TUBB3: variants seen among roughly 807,000 people sequenced by gnomAD.
TUBB3 encodes tubulin beta 3 class III, also known as tubulin beta-3 chain.
TUBB3 carries 17 observed loss-of-function variants against 37.8 expected under a neutral mutation model. The observed-to-expected ratio is 0.45, with a 90% CI of 0.31 to 0.67. The LOEUF (loss-of-function observed/expected upper bound fraction) is 0.67, where lower values mean the gene tolerates loss of function less well. TUBB3 is among the 30% of genes least tolerant of loss of function. The probability of loss-of-function intolerance (pLI) is 0.07; values close to 1 mark genes in which losing one functional copy is unlikely to be tolerated. For missense variants in TUBB3, 262 were observed against 657.9 expected (o/e 0.40, Z 6.58); for synonymous variants, 332 against 278.9 (o/e 1.19, Z -1.90).
At position 89,927,733 on chromosome 16, in the gene TUBB3, G is replaced by A. The variant is rs535025926; in HGVS notation, c.57+4275G>A. 3.3e-5 allele frequency among the ~76,000 whole-genome samples: 5 copies of A among 152,364 alleles called. No individual in the cohort carries two copies. The South Asian group carries it at 1.0e-3, about 32-fold the overall frequency. On this transcript the variant is annotated intron_variant, in intron 1 of 3. Transcript: ENST00000315491. The stretch of plus-strand genomic sequence containing the variant: ...ATTCACACGTTCATCTCACAGATGA[G>A]AAAACAGGTCCTGCGAGGCACGCGC...
intron 3 of TUBB3, chr16:89,933,786 A>G (rs1194639382): frequency 1.4e-6 from 1 of 703,728 alleles, no homozygotes; most frequent in Non-Finnish European, 2.6e-6. Flanking sequence ...CATGCATTTC[A>G]AGTGGAATGA....
intron 1 of TUBB3, among the ~76,000 whole-genome samples, chr16:89,928,823 T>C (rs1208778306): frequency 6.7e-6 from 1 of 149,104 alleles, no homozygotes; most frequent in East Asian, 1.9e-4. Context: ...CCACTGCGTC[T>C]GGCCTAATTT....
intron 1 of TUBB3, among the ~76,000 whole-genome samples, chr16:89,926,364 G>A (rs562350259): frequency 8.9e-4 from 136 of 152,368 alleles, no homozygotes; most frequent in African/African-American, 3.0e-3. Flanking sequence ...GGGCCGGGCG[G>A]GAACCGCATT....
chr16:89,926,348 A>G (rs954494829), intron 1 of TUBB3, among the ~76,000 whole-genome samples: 1 of 152,148 alleles, frequency 6.6e-6, no homozygotes, highest in Non-Finnish European at 1.5e-5. Context: ...AGACCTGCGG[A>G]GCCGCGGGCC....
intron 1 of TUBB3, 33 bp downstream of exon 1, chr16:89,923,491 C>G: frequency 7.1e-7 from 1 of 1,414,772 alleles, no homozygotes; most frequent in South Asian, 1.5e-5. Context: ...GTCCCGGGCC[C>G]CGGGGCGGGA....
At chr16:89,931,721 G>T in intron 1 of TUBB3, 1 of 245,668 alleles carries the variant, frequency 4.1e-6, no homozygotes, top group South Asian at 4.0e-5. Flanking sequence ...ACCTGTGCAA[G>T]GTCACACAGC....
intron 2 of TUBB3, 164 bp downstream of exon 2, chr16:89,932,843 C>A: frequency 1.5e-6 from 1 of 666,478 alleles, no homozygotes; most frequent in Non-Finnish European, 2.7e-6. Context: ...TGTCAGGCAT[C>A]CAGACGCACA....
At chr16:89,924,048 G>A (rs2029981229) in intron 1 of TUBB3, among the ~76,000 whole-genome samples, 1 of 152,232 alleles carries the variant, frequency 6.6e-6, no homozygotes. Context: ...CCAGGACCAG[G>A]CTCTCCATCG....
chr16:89,934,955 C>T lies in TUBB3; in HGVS notation c.504C>T (p.Ser168=), dbSNP rs779404934. 6.8e-6 allele frequency: 11 copies of T among 1,614,080 alleles called. No individual in the cohort carries two copies. Among genetic ancestry groups the T allele is most frequent in the African/African-American group, 2.7e-5 (2 of 74,914 alleles). Reference sequence around the variant, plus strand: ...CCGACCGCATCATGAACACCTTCAGCGTCGTGCCCTCACCCAAGGTGTCAG... The same window carrying T: ...CCGACCGCATCATGAACACCTTCAGTGTCGTGCCCTCACCCAAGGTGTCAG... The part of the protein sequence containing the change: ...EYPDRIMNTF[S]VVPSPKVSDT... Residue 168 remains serine, a synonymous_variant, in exon 4 of 4, where the codon AGC becomes AGT. Coordinates refer to ENST00000315491, the MANE Select transcript of TUBB3 (RefSeq NM_006086.4).
intron 1 of TUBB3, among the ~76,000 whole-genome samples, chr16:89,928,957 C>T (rs1219883470): frequency 2.0e-5 from 3 of 149,424 alleles, no homozygotes; most frequent in African/African-American, 4.9e-5. Flanking sequence ...CCACCGCGCC[C>T]GGCCTTTTTT....
rs765076086 is a variant in TUBB3, at chr16:89,935,808, T to A, written c.*4T>A. On this transcript the variant is annotated 3_prime_UTR_variant, in exon 4 of 4. Coordinates refer to ENST00000315491, the MANE Select transcript of TUBB3 (RefSeq NM_006086.4). ...GGAGGCCCAGGGCCCCAAGTGAAGC[T>A]GCTCGCAGCTGGAGTGAGAGGCAGG... 2.8e-5 allele frequency: 45 copies of A among 1,611,620 alleles called. No individual in the cohort carries two copies. Among genetic ancestry groups the A allele is most frequent in the Admixed American group, 1.0e-4 (6 of 59,698 alleles).
At chr16:89,927,383 TAA>T (rs879448062) in intron 1 of TUBB3, among the ~76,000 whole-genome samples, 35 of 140,368 alleles carry the variant, frequency 2.5e-4, no homozygotes, top group African/African-American at 8.4e-4. Context: ...AGACCCTATC[TAA>T]AAAAAAAAAA....
chr16:89,924,659 T>C (rs2030009423), intron 1 of TUBB3, among the ~76,000 whole-genome samples: 1 of 152,060 alleles, frequency 6.6e-6, no homozygotes, highest in Non-Finnish European at 1.5e-5. Context: ...GCCAGCCACG[T>C]GGCTGACATG....
intron 3 of TUBB3, 169 bp downstream of exon 3, chr16:89,933,747 A>C (rs1409118048): frequency 1.4e-6 from 1 of 720,838 alleles, no homozygotes; most frequent in Non-Finnish European, 2.5e-6. Flanking sequence ...GCCCAGAGAA[A>C]GGGTTCTGTG....
chr16:89,923,123 T>TGCGCGGGGCCCTCAGACC (rs1439587910), upstream of TUBB3, among the ~76,000 whole-genome samples: 53 of 151,970 alleles, frequency 3.5e-4, no homozygotes, highest in African/African-American at 1.2e-3. Flanking sequence ...TCCTTTCGAA[T>TGCGCGGGGCCCTCAGACC]GCGCGGGGCC....
rs867579456 is a variant in TUBB3, at chr16:89,929,165, G to A, written c.58-3406G>A. Among the ~76,000 whole-genome samples the A allele has an allele frequency of 4.6e-5, 7 of 151,690 alleles. 1 individual carries two copies. In the South Asian group the frequency reaches 1.5e-3, roughly 32 times the overall value. On this transcript the variant is annotated intron_variant, in intron 1 of 3. Coordinates refer to ENST00000315491, the MANE Select transcript of TUBB3 (RefSeq NM_006086.4). ...TTTAGTAGGGACAGGGTTTTGCCCTGTTGTCCAGGTTGGTCCTGAACTCCT... is the reference window on the plus strand; with the variant it reads ...TTTAGTAGGGACAGGGTTTTGCCCTATTGTCCAGGTTGGTCCTGAACTCCT...
intron 3 of TUBB3, 108 bp downstream of exon 3, chr16:89,933,686 G>A (rs2030350225): frequency 2.3e-6 from 2 of 881,638 alleles, no homozygotes; most frequent in South Asian, 1.3e-5. Context: ...CTCCTCACAT[G>A]ATCCTGAATG....
chr16:89,923,374 C>T lies in TUBB3; in HGVS notation c.-28C>T, dbSNP rs773514937. The T allele has an allele frequency of 2.7e-5, 39 of 1,454,358 alleles. No homozygotes were observed. The highest frequency in any genetic ancestry group is 2.5e-4 in the East Asian group (8 of 31,594). 90.1% of individuals were successfully genotyped at this position (1,454,358 alleles called of 1,614,324 possible). A position where few individuals can be genotyped will look rare whatever the true frequency, so the allele number is the denominator to read the frequency against. ...GCCAGCCCGGCCCGCCCGCGCCCGT[C>T]CGCAGCCGCCCGCCAGACGCGCCCA... On this transcript the variant is annotated 5_prime_UTR_variant, in exon 1 of 4. Transcript: ENST00000315491.
intron 3 of TUBB3, chr16:89,933,789 T>A (rs1483625306): frequency 1.4e-6 from 1 of 703,526 alleles, no homozygotes; most frequent in African/African-American, 1.7e-5. Context: ...GCATTTCAAG[T>A]GGAATGAAGT....
Sources: allele counts gnomAD v4.1 joint callset (sites outside exome capture counted in the v4.1 genomes callset), GRCh38; gene constraint gnomAD v4.1.1; transcripts MANE v1.5; gene names NCBI Gene and HGNC (gene_info 2026-07-23, HGNC 2026-07-21).